Variants in FAN1 observed in about 807,000 individuals in gnomAD.
FAN1 encodes the protein FANCD2 and FANCI associated nuclease 1, also known as fanconi-associated nuclease 1.
FAN1 carries 91 observed loss-of-function variants against 104.9 expected under a neutral mutation model. That is an observed-to-expected ratio of 0.87 (90% CI 0.73 to 1.03). The LOEUF is 1.03. Ranked by LOEUF, FAN1 falls within the 50% of genes least tolerant of loss-of-function variation. The pLI is 0.00. For synonymous variants in FAN1, 478 were observed against 457.6 expected (o/e 1.04, Z -0.57); for missense variants, 1,263 against 1,239.9 (o/e 1.02, Z -0.28).
intron 7 of FAN1, among the ~76,000 whole-genome samples, chr15:30,921,004 G>A (rs1362116091): frequency 1.3e-5 from 2 of 152,128 alleles, no homozygotes; most frequent in South Asian, 2.1e-4. Flanking sequence ...GGCTGATCTC[G>A]AACTCCTGGG....
chr15:30,936,896 G>A (rs1199635976), intron 13 of FAN1, among the ~76,000 whole-genome samples: 1 of 152,102 alleles, frequency 6.6e-6, no homozygotes, highest in East Asian at 1.9e-4. Context: ...TCAGAGTATG[G>A]TTTCTGTTGA....
At chr15:30,941,478 C>CATTT (rs767937926) in intron 14 of FAN1, 88 bp from the exon 15 acceptor site, 1 of 1,603,884 alleles carries the variant, frequency 6.2e-7, no homozygotes, top group Non-Finnish European at 8.5e-7. Flanking sequence ...TTTTAGTCTT[C>CATTT]ATTTGCTAAT....
intron 10 of FAN1, among the ~76,000 whole-genome samples, chr15:30,926,273 C>T (rs997880470): frequency 2.2e-4 from 34 of 152,338 alleles, no homozygotes; most frequent in African/African-American, 7.9e-4. Context: ...TCCTTCTGTT[C>T]TCTCCTGCCC....
chr15:30,907,889 G>T (rs900672252), intron 2 of FAN1, among the ~76,000 whole-genome samples: 4 of 152,188 alleles, frequency 2.6e-5, no homozygotes, highest in Non-Finnish European at 4.4e-5. Flanking sequence ...TTTTCTGAGG[G>T]AGTAGAAATG....
chr15:30,915,713 G>A (rs2062185780), intron 5 of FAN1, among the ~76,000 whole-genome samples: 1 of 151,970 alleles, frequency 6.6e-6, no homozygotes, highest in Non-Finnish European at 1.5e-5. Context: ...ATAAATATGT[G>A]CAATTTTATG....
intron 8 of FAN1, among the ~76,000 whole-genome samples, chr15:30,923,992 C>G (rs1314299873): frequency 6.6e-6 from 1 of 152,186 alleles, no homozygotes; most frequent in African/African-American, 2.4e-5. Flanking sequence ...GGCAACTACG[C>G]CCCGCTTTCC....
chr15:30,924,851 C>T (rs1803489976), intron 8 of FAN1, among the ~76,000 whole-genome samples: 1 of 152,154 alleles, frequency 6.6e-6, no homozygotes, highest in African/African-American at 2.4e-5. Flanking sequence ...GAGGTTCACA[C>T]CCTTTGTGAG....
At chr15:30,924,497 T>G (rs2062410657) in intron 8 of FAN1, among the ~76,000 whole-genome samples, 1 of 152,212 alleles carries the variant, frequency 6.6e-6, no homozygotes, top group East Asian at 1.9e-4. Flanking sequence ...TCAATGCTTA[T>G]TTTCCATGTT....
At chr15:30,938,018 A>G (rs1004728702) in intron 14 of FAN1, among the ~76,000 whole-genome samples, 1 of 151,796 alleles carries the variant, frequency 6.6e-6, no homozygotes, top group Non-Finnish European at 1.5e-5. Context: ...ACCCATCTCT[A>G]CTAAAAATAC....
chr15:30,915,824 T>C lies in FAN1; in HGVS notation c.1811+1733T>C, dbSNP rs2062188081. ...ATAGTGTAGGTCTTAGGAAAAAAAA[T>C]TTGGATTTCCTTAAAAAAAACACCT... On this transcript the variant is annotated intron_variant, in intron 5 of 14. Transcript: ENST00000362065. Among the ~76,000 whole-genome samples, 3 of 151,666 alleles carry C rather than the reference T, an allele frequency of 2.0e-5. No homozygotes were observed. The South Asian group carries it at 6.3e-4, about 32-fold the overall frequency.
At chr15:30,910,908 G>T in intron 4 of FAN1, 93 bp downstream of exon 4, 1 of 1,446,316 alleles carries the variant, frequency 6.9e-7, no homozygotes, top group East Asian at 2.6e-5. Flanking sequence ...AACTGTAATT[G>T]TTTATTTCAG....
At chr15:30,907,410 C>G (rs1376682936) in intron 2 of FAN1, among the ~76,000 whole-genome samples, 4 of 151,920 alleles carry the variant, frequency 2.6e-5, no homozygotes, top group African/African-American at 9.7e-5. Context: ...CCCAGCTGCT[C>G]TGGAGGCTGA....
rs752297428 is a variant in FAN1, at chr15:30,910,750, C to T, written c.1512C>T (p.Ala504=). The T allele has an allele frequency of 4.3e-6, 7 of 1,613,978 alleles. No homozygotes were observed. Among genetic ancestry groups the T allele is most frequent in the Non-Finnish European group, 5.9e-6 (7 of 1,180,026 alleles). ...TGGTGGACGCCTTTCTCAAATTGGC[C>T]AAACAGCGTTCAGTCTGCACTTGGG... ...QQLVDAFLKL[A]KQRSVCTWGK... is the part of the protein sequence containing the mutation. The change falls in exon 4 of 15, where the codon GCC becomes GCT. Residue 504 remains alanine (A), a synonymous_variant. Coordinates refer to ENST00000362065, the MANE Select transcript of FAN1 (RefSeq NM_014967.5).
intron 2 of FAN1, among the ~76,000 whole-genome samples, chr15:30,907,379 A>G (rs1321059444): frequency 6.6e-6 from 1 of 151,852 alleles, no homozygotes. Context: ...TTAGCCGGGC[A>G]TGGTGGTGGG....
chr15:30,906,873 G>A (rs1236049286), intron 2 of FAN1, among the ~76,000 whole-genome samples: 1 of 152,112 alleles, frequency 6.6e-6, no homozygotes, highest in Non-Finnish European at 1.5e-5. Context: ...ATCCAAACTA[G>A]TCACAGATCT....
intron 6 of FAN1, 130 bp from the exon 7 acceptor site, chr15:30,920,415 T>C: frequency 1.5e-6 from 1 of 654,136 alleles, no homozygotes; most frequent in Non-Finnish European, 2.6e-6. Context: ...TAGAAAATTG[T>C]ACACAACTGA....
At chr15:30,929,585 T>C (rs537541933) in intron 12 of FAN1, among the ~76,000 whole-genome samples, 188 bp downstream of exon 12, 1 of 125,962 alleles carries the variant, frequency 7.9e-6, no homozygotes, top group Non-Finnish European at 1.6e-5. Flanking sequence ...TTTATTATAT[T>C]ATATATTATA....
intron 12 of FAN1, among the ~76,000 whole-genome samples, chr15:30,929,836 T>TATAA (rs1197271099): frequency 2.6e-5 from 2 of 76,064 alleles, no homozygotes; most frequent in African/African-American, 1.6e-4. Context: ...ATATATAATA[T>TATAA]AATATATAAA....
At chr15:30,912,915 A>G (rs1346849636) in intron 4 of FAN1, among the ~76,000 whole-genome samples, 1 of 152,226 alleles carries the variant, frequency 6.6e-6, no homozygotes. Flanking sequence ...TGCTAGAGTC[A>G]GAGGGCCCAC....
Sources: allele counts gnomAD v4.1 joint callset (sites outside exome capture counted in the v4.1 genomes callset), GRCh38; gene constraint gnomAD v4.1.1; transcripts MANE v1.5; gene names NCBI Gene and HGNC (gene_info 2026-07-23, HGNC 2026-07-21).